The following SLC22A3 variants were observed in gnomAD, a reference collection of about 807,000 sequenced individuals.
SLC22A3 encodes the protein EMT organic cation transporter 3.
A neutral mutation model predicts 59.1 loss-of-function variants in SLC22A3; 51 were observed. The ratio of observed to expected loss-of-function variants is 0.86; its 90% CI spans 0.69 to 1.09. The LOEUF (loss-of-function observed/expected upper bound fraction) is 1.09, where lower values mean the gene tolerates loss of function less well. SLC22A3 is among the 50% of genes least tolerant of loss of function. The pLI is 0.00. For synonymous variants in SLC22A3, 325 were observed against 292.0 expected, an observed-to-expected ratio of 1.11 and a Z score of -1.15; for missense variants, 711 against 726.3, an observed-to-expected ratio of 0.98 and a Z score of 0.24.
chr6:160,348,959 G>C (rs1198126798), intron 1 of SLC22A3, 111 bp downstream of exon 1: 1 of 1,526,440 alleles, frequency 6.6e-7, no homozygotes, highest in East Asian at 2.5e-5. Flanking sequence ...TGGAGACGGG[G>C]ACCGGTCGGC....
chr6:160,440,181 A>T (rs1583515843), intron 7 of SLC22A3, among the ~76,000 whole-genome samples: 2 of 152,346 alleles, frequency 1.3e-5, no homozygotes, highest in Non-Finnish European at 2.9e-5. Context: ...CTGGAAAATA[A>T]AGACCTTTCT....
rs762514449 is a variant in SLC22A3 at position 160,348,640 on chromosome 6, C to T, written c.221C>T (p.Thr74Met). 2.0e-6 allele frequency: 3 copies of T among 1,502,446 alleles called. No individual in the cohort carries two copies. The highest frequency in any genetic ancestry group is 1.2e-5 in the South Asian group (1 of 80,762). The allele number at this position is 1,502,446 out of a possible 1,614,324, so 93.1% of individuals were successfully genotyped here. The change falls in exon 1 of 11, where the codon ACG becomes ATG. Residue 74 changes from threonine (T) to methionine (M), a missense_variant. Physicochemically the swap from Thr to Met is moderately conservative, Grantham distance 81 (BLOSUM62 -1). Transcript: ENST00000275300. Reference sequence around the variant, plus strand: ...AGCCCGGAGGAGGAGTGGAACCGCACGGCGCCCGCCTCCCGCGGCCCAGAG... The same window carrying T: ...AGCCCGGAGGAGGAGTGGAACCGCATGGCGCCCGCCTCCCGCGGCCCAGAG... ...GWSPEEEWNR[T>M]APASRGPEPP...
intron 1 of SLC22A3, among the ~76,000 whole-genome samples, chr6:160,367,555 T>G (rs1785249518): frequency 6.6e-6 from 1 of 152,228 alleles, no homozygotes; most frequent in Non-Finnish European, 1.5e-5. Context: ...CACCTCCATG[T>G]GCAGATTTTG....
chr6:160,396,987 A>G (rs776233735), intron 1 of SLC22A3, among the ~76,000 whole-genome samples: 10 of 152,240 alleles, frequency 6.6e-5, no homozygotes, highest in Non-Finnish European at 1.0e-4. Flanking sequence ...AGAGAAAAAA[A>G]TTGATGTCAA....
chr6:160,391,146 G>A (rs1280018905), intron 1 of SLC22A3, among the ~76,000 whole-genome samples: 1 of 152,156 alleles, frequency 6.6e-6, no homozygotes, highest in Non-Finnish European at 1.5e-5. Flanking sequence ...TATTTCCAAA[G>A]GTCAACTTCT....
Position 160,348,583 on chromosome 6 carries a change from G to C in SLC22A3, c.164G>C (p.Ser55Thr), listed in dbSNP as rs749378115. Residue 55 changes from serine (S) to threonine (T), a missense_variant, in exon 1 of 11, where the codon AGT becomes ACT. Physicochemically the swap from Ser to Thr is moderately conservative, Grantham distance 58. Transcript: ENST00000275300. The stretch of plus-strand genomic sequence containing the variant: ...GACCACTACTGGTGCCGCGGGCCAA[G>C]TGCCGCGGCGCTGGCCGAGCGCTGC... The part of the protein sequence containing the change: ...QPDHYWCRGP[S>T]AAALAERCGW... 9 of 1,527,104 alleles carry C rather than the reference G, an allele frequency of 5.9e-6. No individual in the cohort carries two copies. Among genetic ancestry groups the C allele is most frequent in the Non-Finnish European group, 7.8e-6 (9 of 1,146,580 alleles). 94.6% of individuals were successfully genotyped at this position (1,527,104 alleles called of 1,614,324 possible).
At chr6:160,376,330 C>A (rs554262154) in intron 1 of SLC22A3, among the ~76,000 whole-genome samples, 1 of 130,604 alleles carries the variant, frequency 7.7e-6, no homozygotes, top group Non-Finnish European at 1.6e-5. Flanking sequence ...CAACACACAC[C>A]GGGGCCTGGT....
intron 1 of SLC22A3, among the ~76,000 whole-genome samples, chr6:160,377,480 A>C (rs969740280): frequency 2.3e-5 from 3 of 131,546 alleles, no homozygotes; most frequent in African/African-American, 1.0e-4. Context: ...ACTCTATTTC[A>C]AAAAAAAAAA....
intron 5 of SLC22A3, among the ~76,000 whole-genome samples, chr6:160,429,018 C>T (rs182201047): frequency 4.4e-4 from 67 of 152,340 alleles, no homozygotes; most frequent in Non-Finnish European, 7.8e-4. Flanking sequence ...TCATTATCCA[C>T]TGGGCAGTGG....
chr6:160,439,067 T>A (rs1490619182), intron 7 of SLC22A3, among the ~76,000 whole-genome samples: 1 of 152,118 alleles, frequency 6.6e-6, no homozygotes, highest in Non-Finnish European at 1.5e-5. Context: ...GGAATTAACA[T>A]ATTATAAGAG....
chr6:160,421,172 C>T (rs1003608085), intron 5 of SLC22A3, among the ~76,000 whole-genome samples: 1 of 152,212 alleles, frequency 6.6e-6, no homozygotes, highest in Non-Finnish European at 1.5e-5. Flanking sequence ...TGCTGCCAAC[C>T]CATTTCCCAG....
At chr6:160,407,282 A>G (rs1202908444) in intron 3 of SLC22A3, 87 bp downstream of exon 3, 2 of 1,368,946 alleles carry the variant, frequency 1.5e-6, no homozygotes, top group Non-Finnish European at 2.0e-6. Flanking sequence ...CCTCTTCCTC[A>G]TGTGTCCTTT....
intron 1 of SLC22A3, among the ~76,000 whole-genome samples, chr6:160,372,690 G>A (rs2114777068): frequency 6.6e-6 from 1 of 152,056 alleles, no homozygotes; most frequent in South Asian, 2.1e-4. Context: ...GGCTTTGTTT[G>A]TTCCTTTTCA....
chr6:160,421,786 C>A (rs892860073), intron 5 of SLC22A3, among the ~76,000 whole-genome samples: 3 of 152,076 alleles, frequency 2.0e-5, no homozygotes, highest in Non-Finnish European at 4.4e-5. Flanking sequence ...CCGTTTCAAG[C>A]GTCTGCTGGG....
chr6:160,417,058 G>A (rs1489713368), intron 5 of SLC22A3, among the ~76,000 whole-genome samples: 1 of 152,146 alleles, frequency 6.6e-6, no homozygotes, highest in Non-Finnish European at 1.5e-5. Flanking sequence ...CTTCCTCTCT[G>A]TAAGAGGATT....
intron 5 of SLC22A3, among the ~76,000 whole-genome samples, chr6:160,422,081 G>C (rs1486258547): frequency 6.6e-6 from 1 of 152,236 alleles, no homozygotes; most frequent in African/African-American, 2.4e-5. Flanking sequence ...TCATAACCCA[G>C]AGCTGTGTTG....
intron 1 of SLC22A3, among the ~76,000 whole-genome samples, chr6:160,397,112 G>A (rs952073437): frequency 5.9e-5 from 9 of 152,132 alleles, no homozygotes; most frequent in African/African-American, 2.2e-4. Context: ...CCAGTTTTGT[G>A]GAAGACAATT....
intron 1 of SLC22A3, among the ~76,000 whole-genome samples, chr6:160,370,242 G>T (rs531336402): frequency 4.2e-4 from 64 of 152,318 alleles, no homozygotes; most frequent in African/African-American, 1.4e-3. Context: ...CAAGGGAAAG[G>T]GAATTAGATG....
At chr6:160,407,947 C>T (rs142775809) in intron 3 of SLC22A3, among the ~76,000 whole-genome samples, 266 of 152,206 alleles carry the variant, frequency 1.7e-3, no homozygotes, top group African/African-American at 6.1e-3. Context: ...CCAAGCAGTG[C>T]GCATTTTGGA....
Sources: allele counts gnomAD v4.1 joint callset (sites outside exome capture counted in the v4.1 genomes callset), GRCh38; gene constraint gnomAD v4.1.1; transcripts MANE v1.5; gene names NCBI Gene and HGNC (gene_info 2026-07-23, HGNC 2026-07-21).